BYSL: variants seen among roughly 807,000 people sequenced by gnomAD.
BYSL encodes the protein bystin like, also known as bystin.
In BYSL, 21 loss-of-function variants were observed where a neutral mutation model predicts 45.4. The ratio of observed to expected loss-of-function variants is 0.46; its 90% CI spans 0.33 to 0.67. The LOEUF (loss-of-function observed/expected upper bound fraction) is 0.67. Ranked by LOEUF, BYSL falls within the 30% of genes least tolerant of loss-of-function variation. The probability of loss-of-function intolerance (pLI) is 0.02; values close to 1 mark genes in which losing one functional copy is unlikely to be tolerated. For synonymous variants in BYSL, 215 were observed against 231.3 expected, an observed-to-expected ratio of 0.93 and a Z score of 0.64; for missense variants, 522 against 578.5, an observed-to-expected ratio of 0.90 and a Z score of 1.00.
chr6:41,923,809 C>T (rs1186862729), intron 1 of BYSL, among the ~76,000 whole-genome samples: 1 of 152,184 alleles, frequency 6.6e-6, no homozygotes, highest in Non-Finnish European at 1.5e-5. Flanking sequence ...TGATCTGCCT[C>T]CTTTGCCAGT....
the BYSL span, chr6:41,913,153 C>T: frequency 6.6e-6 from 1 of 151,282 alleles, no homozygotes; most frequent in Non-Finnish European, 1.5e-5. Context: ...TTATTGTCTA[C>T]TCTCCTCCAA....
intron 4 of BYSL, among the ~76,000 whole-genome samples, chr6:41,931,125 A>AGAATCGAGAGGAG (rs773164371): frequency 2.0e-5 from 3 of 151,006 alleles, no homozygotes; most frequent in East Asian, 1.9e-4. Context: ...AGGGCTACTC[A>AGAATCGAGAGGAG]ACTGATGCTG....
At chr6:41,931,109 A>C (rs1056452503) in intron 4 of BYSL, among the ~76,000 whole-genome samples, 14 of 81,254 alleles carry the variant, frequency 1.7e-4, no homozygotes, top group African/African-American at 6.9e-4. Flanking sequence ...CTGCCCAGGC[A>C]TGCTCAGGGC....
chr6:41,918,104 T>A (rs1775362100), upstream of BYSL, among the ~76,000 whole-genome samples: 1 of 152,228 alleles, frequency 6.6e-6, no homozygotes, highest in Non-Finnish European at 1.5e-5. Context: ...GGTAACCAAC[T>A]GCCAACCAAC....
chr6:41,926,453 T>C (rs1403546187), intron 1 of BYSL, among the ~76,000 whole-genome samples: 1 of 151,988 alleles, frequency 6.6e-6, no homozygotes, highest in Non-Finnish European at 1.5e-5. Context: ...TTTTTTTTAA[T>C]TTTATATATA....
rs547553370 is a variant in BYSL at position 41,932,760 on chromosome 6, C to T, written c.*54C>T. The T allele has an allele frequency of 1.8e-5, 28 of 1,520,868 alleles. No individual in the cohort carries two copies. In the South Asian group the frequency reaches 2.4e-4, roughly 13 times the overall value. The allele number at this position is 1,520,868 out of a possible 1,614,324, so 94.2% of individuals were successfully genotyped here. ...GGGTTTGGAAGGACACCAAGACCCCCGTTGGTGACTGAAGATGACACTGAG... is the reference window on the plus strand; with the variant it reads ...GGGTTTGGAAGGACACCAAGACCCCTGTTGGTGACTGAAGATGACACTGAG... On this transcript the variant is annotated 3_prime_UTR_variant, in exon 7 of 7. Transcript: ENST00000230340. This position sits in a 1 kb window ranked among gnomAD's most constrained non-coding sequence, Gnocchi z 4.7.
chr6:41,915,389 G>T, the BYSL span, among the ~76,000 whole-genome samples: 5 of 152,184 alleles, frequency 3.3e-5, no homozygotes, highest in Admixed American at 1.3e-4. Context: ...AGCTACTCAG[G>T]AGGCTAAGGT....
chr6:41,921,965 C>A (rs1178500419), intron 1 of BYSL, 135 bp downstream of exon 1: 1 of 1,309,224 alleles, frequency 7.6e-7, no homozygotes, highest in Non-Finnish European at 1.0e-6. Flanking sequence ...GGAGACTGAA[C>A]CCTGTCTAGA....
chr6:41,924,281 G>A (rs1775533116), intron 1 of BYSL, among the ~76,000 whole-genome samples: 1 of 151,298 alleles, frequency 6.6e-6, no homozygotes, highest in Non-Finnish European at 1.5e-5. Flanking sequence ...ATGTTGGCCA[G>A]CCTGGTCTCA....
At chr6:41,925,585 G>A (rs9349203) in intron 1 of BYSL, among the ~76,000 whole-genome samples, 92,964 of 151,818 alleles carry the variant, frequency 0.61, 29,407 homozygotes, top group African/African-American at 0.79. Flanking sequence ...GGATGGTCTC[G>A]GTCTCCTGAC....
chr6:41,917,822 A>T (rs1369070260), upstream of BYSL: 1 of 470,178 alleles, frequency 2.1e-6, no homozygotes, highest in Middle Eastern at 3.2e-4. Flanking sequence ...GCTGTTCAGC[A>T]CAGTAGCCCA....
Position 41,931,568 on chromosome 6 carries a change from G to GA in BYSL, c.865+13dup, listed in dbSNP as rs748832104. 6.2e-7 allele frequency: 1 copy of GA among 1,614,182 alleles called. No individual in the cohort carries two copies. Among genetic ancestry groups the GA allele is most frequent in the Admixed American group, 1.7e-5 (1 of 60,032 alleles). ...AGCCTGGTTCAAAGGTGGGATCCCAGAGGCACGGAAGAAAGGGAAGGGCTG... is the reference window on the plus strand; with the variant it reads ...AGCCTGGTTCAAAGGTGGGATCCCAGAAGGCACGGAAGAAAGGGAAGGGCTG... On this transcript the variant is annotated intron_variant, in intron 5 of 6. Transcript: ENST00000230340.
chr6:41,912,593 G>A, the BYSL span, among the ~76,000 whole-genome samples: 2 of 151,932 alleles, frequency 1.3e-5, no homozygotes, highest in African/African-American at 4.8e-5. Context: ...CTGACCTCAG[G>A]TGATCTGCCC....
In BYSL at chr6:41,930,267, G is replaced by A. The variant is rs756605230; in HGVS notation, c.567G>A (p.Arg189=). The change falls in exon 3 of 7, where the codon CGG becomes CGA. Residue 189 remains arginine (R), a synonymous_variant. Transcript: ENST00000230340. The part of the protein sequence containing the change: ...PRVLEVYRGV[R]EVLSKYRSGK... Reference sequence around the variant, plus strand: ...TCCTAGAAGTGTACAGGGGGGTCCGGGAGGTAAGAGCTGAGAGGGGAGCCA... The same window carrying A: ...TCCTAGAAGTGTACAGGGGGGTCCGAGAGGTAAGAGCTGAGAGGGGAGCCA... 51 of 1,613,764 alleles carry A rather than the reference G, an allele frequency of 3.2e-5. No individual in the cohort carries two copies. The East Asian group carries it at 1.1e-3, about 34-fold the overall frequency.
At chr6:41,930,412 G>C in intron 3 of BYSL, 142 bp downstream of exon 3, 6 of 1,289,560 alleles carry the variant, frequency 4.7e-6, no homozygotes, top group Non-Finnish European at 6.3e-6. Flanking sequence ...AGAGTGTGTG[G>C]GTTCAGATTC....
Position 41,930,171 on chromosome 6 carries a change from G to C in BYSL, c.471G>C (p.Glu157Asp). Reference protein sequence around the residue: ...LADIIMEKLTEKQTEVETVMS... With the variant: ...LADIIMEKLTDKQTEVETVMS... ...ACATCATCATGGAGAAGCTGACTGAGAAGCAGACAGAGGTTGAGACAGTCA... is the reference window on the plus strand; with the variant it reads ...ACATCATCATGGAGAAGCTGACTGACAAGCAGACAGAGGTTGAGACAGTCA... The change falls in exon 3 of 7, where the codon GAG becomes GAC. Residue 157 changes from glutamate to aspartate, a missense_variant. Coordinates refer to ENST00000230340, the MANE Select transcript of BYSL (RefSeq NM_004053.4). The C allele has an allele frequency of 6.2e-7, 1 of 1,614,166 alleles. No homozygotes were observed. The highest frequency in any genetic ancestry group is 1.1e-5 in the South Asian group (1 of 91,088).
chr6:41,922,060 G>T (rs1306504925), intron 1 of BYSL, among the ~76,000 whole-genome samples: 1 of 152,140 alleles, frequency 6.6e-6, no homozygotes, highest in Non-Finnish European at 1.5e-5. Flanking sequence ...GCGCCACTAA[G>T]TGCTCCTAGC....
chr6:41,921,387 C>T (rs181917902), upstream of BYSL: 4 of 837,322 alleles, frequency 4.8e-6, no homozygotes, highest in African/African-American at 3.4e-5. Flanking sequence ...AGCTCCGGAA[C>T]CCGGGAGCTC....
intron 4 of BYSL, 25 bp from the exon 5 acceptor site, chr6:41,931,371 A>C (rs988961537): frequency 6.2e-7 from 1 of 1,613,412 alleles, no homozygotes; most frequent in Non-Finnish European, 8.5e-7. Flanking sequence ...TGAGTTGGAA[A>C]CTTCCCCCGC....
Sources: gnomAD v4.1 joint callset for allele counts (sites outside exome capture counted in the v4.1 genomes callset) on GRCh38, gnomAD v4.1.1 for gene constraint, Gnocchi (gnomAD v3.1) non-coding constraint, MANE v1.5 for transcripts, NCBI Gene and HGNC (gene_info 2026-07-23, HGNC 2026-07-21) for gene names.